The following TSNARE1 variants were observed in gnomAD, a reference collection of about 807,000 sequenced individuals.
TSNARE1 encodes t-SNARE domain containing 1.
TSNARE1 carries 49 observed loss-of-function variants against 62.0 expected under a neutral mutation model. The observed-to-expected ratio is 0.79, with a 90% confidence interval of 0.63 to 1.00. TSNARE1 has a LOEUF of 1.00. Among genes scored for constraint, TSNARE1 ranks in the 50% least tolerant of loss-of-function variants. The pLI, the probability that TSNARE1 is intolerant of heterozygous loss-of-function variation, is 0.00. For synonymous variants in TSNARE1, 328 were observed against 294.4 expected (o/e 1.11, Z -1.17); for missense variants, 755 against 700.1 (o/e 1.08, Z -0.88).
At chr8:142,372,217 C>T (rs1007798855) in intron 1 of TSNARE1, among the ~76,000 whole-genome samples, 2 of 152,180 alleles carry the variant, frequency 1.3e-5, no homozygotes, top group Non-Finnish European at 2.9e-5. Context: ...AGCCTGACCC[C>T]GCAGGTCCGC....
intron 1 of TSNARE1, among the ~76,000 whole-genome samples, chr8:142,367,817 G>A (rs1360812501): frequency 6.6e-6 from 1 of 152,184 alleles, no homozygotes; most frequent in Non-Finnish European, 1.5e-5. Context: ...TTTAGTCTAT[G>A]ATAAATGCGG....
At chr8:142,370,115 C>G (rs746482840) in intron 1 of TSNARE1, among the ~76,000 whole-genome samples, 4 of 152,228 alleles carry the variant, frequency 2.6e-5, no homozygotes, top group Non-Finnish European at 5.9e-5. Context: ...AAGGCCCCAT[C>G]TAGGAACTAG....
At chr8:142,333,276 G>A (rs1033253873) in intron 4 of TSNARE1, among the ~76,000 whole-genome samples, 1 of 152,172 alleles carries the variant, frequency 6.6e-6, no homozygotes, top group Non-Finnish European at 1.5e-5. Context: ...AGCACGGGGG[G>A]CCGAGCTCGC....
At chr8:142,276,047 C>G (rs1329551964) in intron 11 of TSNARE1, 1 of 985,318 alleles carries the variant, frequency 1.0e-6, no homozygotes, top group Admixed American at 6.1e-5. Flanking sequence ...AACCCTTGGT[C>G]ACCAGCTCCA....
intron 1 of TSNARE1, among the ~76,000 whole-genome samples, chr8:142,371,818 A>G (rs1173020799): frequency 1.3e-5 from 2 of 152,210 alleles, no homozygotes; most frequent in Admixed American, 6.6e-5. Flanking sequence ...GGGTTGGCAA[A>G]CAACAACCCA....
chr8:142,225,539 C>A (rs1249756533), intron 13 of TSNARE1, among the ~76,000 whole-genome samples: 1 of 152,190 alleles, frequency 6.6e-6, no homozygotes, highest in African/African-American at 2.4e-5. Flanking sequence ...CTCTGCAGTC[C>A]CGCTGCTGGC....
At chr8:142,292,953 C>T (rs1824050437) in intron 10 of TSNARE1, among the ~76,000 whole-genome samples, 1 of 152,186 alleles carries the variant, frequency 6.6e-6, no homozygotes, top group African/African-American at 2.4e-5. Flanking sequence ...TCCACCTCCC[C>T]CACACTCAGC....
intron 1 of TSNARE1, among the ~76,000 whole-genome samples, chr8:142,380,700 G>A (rs1836674899): frequency 6.6e-6 from 1 of 152,176 alleles, no homozygotes. Flanking sequence ...GAGGCTGAAA[G>A]TTGGTAAAAT....
intron 1 of TSNARE1, among the ~76,000 whole-genome samples, chr8:142,390,101 A>AT (rs1489140279): frequency 6.6e-6 from 1 of 152,242 alleles, no homozygotes; most frequent in African/African-American, 2.4e-5. Context: ...AGTTTTAAGG[A>AT]TTTTTTTAAA....
At chr8:142,315,201 A>G in intron 7 of TSNARE1, 109 bp from the exon 8 acceptor site, 1 of 1,103,272 alleles carries the variant, frequency 9.1e-7, no homozygotes, top group Non-Finnish European at 1.3e-6. Context: ...CACACTCAGA[A>G]TGGGGCTCGC....
At chr8:142,222,017 TCACTCATCCACTCACTCATC>T (rs1816287437) in intron 13 of TSNARE1, among the ~76,000 whole-genome samples, 1 of 144,900 alleles carries the variant, frequency 6.9e-6, no homozygotes. Context: ...ACTCACTCAC[TCACTCATCCACTCACTCATC>T]CACTCATCCA....
At chr8:142,325,713 A>G (rs1830115030) in intron 6 of TSNARE1, among the ~76,000 whole-genome samples, 1 of 152,140 alleles carries the variant, frequency 6.6e-6, no homozygotes, top group African/African-American at 2.4e-5. Context: ...CCCACTGAGG[A>G]GGGATTCCGA....
intron 1 of TSNARE1, chr8:142,365,853 A>G: frequency 2.4e-6 from 1 of 423,294 alleles, no homozygotes; most frequent in South Asian, 1.7e-5. Flanking sequence ...AAGCACTGAA[A>G]AGTGCAAAAC....
At chr8:142,362,447 G>GCCCACTTTCT (rs1162424439) in intron 1 of TSNARE1, among the ~76,000 whole-genome samples, 1 of 152,186 alleles carries the variant, frequency 6.6e-6, no homozygotes, top group Non-Finnish European at 1.5e-5. Flanking sequence ...CACAGTCTGA[G>GCCCACTTTCT]CCCACTTTCT....
chr8:142,313,210 G>A (rs1343517577), intron 9 of TSNARE1, among the ~76,000 whole-genome samples: 1 of 152,038 alleles, frequency 6.6e-6, no homozygotes, highest in East Asian at 1.9e-4. Context: ...TTATCTGCAC[G>A]TGTCTGCGTG....
intron 12 of TSNARE1, among the ~76,000 whole-genome samples, chr8:142,237,202 C>T (rs571449935): frequency 1.3e-5 from 2 of 152,302 alleles, no homozygotes; most frequent in East Asian, 3.9e-4. Context: ...CCTGCCACCC[C>T]TCCTGCTTCT....
At position 142,219,905 on chromosome 8, in the gene TSNARE1, A is replaced by G. The variant is rs182930510; in HGVS notation, c.*12-7592T>C. 4.2e-3 allele frequency among the ~76,000 whole-genome samples: 633 copies of G among 152,306 alleles called. 2 individuals are homozygous for G. Among genetic ancestry groups the G allele is most frequent in the Middle Eastern group, 0.01 (3 of 294 alleles). ...GCCCACTGTGGATGGGTGCCAGCCC[A>G]GAGCTGAGAGTCACATGCCAGCTGG... is the stretch of plus-strand genomic sequence containing the variant. On this transcript the variant is annotated intron_variant, in intron 13 of 13. Coordinates refer to ENST00000524325, the MANE Select transcript of TSNARE1 (RefSeq NM_145003.5).
chr8:142,406,757 A>C (rs1211928603), upstream of TSNARE1: 1 of 152,236 alleles, frequency 6.6e-6, no homozygotes, highest in Non-Finnish European at 1.5e-5. Context: ...GGGCAGAACC[A>C]AGGGCATGGG....
chr8:142,276,284 CTA>C (rs1436722604), intron 11 of TSNARE1: 1 of 985,326 alleles, frequency 1.0e-6, no homozygotes, highest in African/African-American at 1.7e-5. Flanking sequence ...ACTCTGCTCT[CTA>C]TGTCCTGCCA....
Sources: gnomAD v4.1 joint callset for allele counts (sites outside exome capture counted in the v4.1 genomes callset) on GRCh38, gnomAD v4.1.1 for gene constraint, MANE v1.5 for transcripts, NCBI Gene and HGNC (gene_info 2026-07-23, HGNC 2026-07-21) for gene names.